DBF4: variants seen among roughly 807,000 people sequenced by gnomAD.
DBF4 encodes the protein DBF4-CDC7 kinase regulatory subunit.
Under a neutral mutation model 76.6 loss-of-function variants are expected in DBF4, and 25 were observed. The ratio of observed to expected loss-of-function variants is 0.33; its 90% CI spans 0.24 to 0.46. The LOEUF is 0.46. Ranked by LOEUF, DBF4 falls within the 20% of genes least tolerant of loss-of-function variation. The probability of loss-of-function intolerance (pLI) is 1.00; values close to 1 mark genes in which losing one functional copy is unlikely to be tolerated. For missense variants in DBF4, 638 were observed against 760.8 expected (o/e 0.84, Z 1.90); for synonymous variants, 213 against 258.0 (o/e 0.83, Z 1.67).
In DBF4 at chr7:87,900,867, G is replaced by T; in HGVS notation, c.913G>T (p.Asp305Tyr). 6.2e-7 allele frequency: 1 copy of T among 1,611,784 alleles called. No homozygotes were observed. The highest frequency in any genetic ancestry group is 8.5e-7 in the Non-Finnish European group (1 of 1,178,712). The change falls in exon 10 of 12, where the codon GAT becomes TAT. Residue 305 changes from aspartate to tyrosine, a missense_variant. Physicochemically the swap from Asp to Tyr is radical, Grantham distance 160 (BLOSUM62 -3). Coordinates refer to ENST00000265728, the MANE Select transcript of DBF4 (RefSeq NM_006716.4). ...TGAATGTTGCTTGCAGAAATATGAA[G>T]ATCTAGAAACTGTAAATGTGATTTT... ...YCECCLQKYE[D>Y]LETHLLSEQH...
At chr7:87,892,944 A>G (rs1438481558) in intron 6 of DBF4, among the ~76,000 whole-genome samples, 2 of 152,184 alleles carry the variant, frequency 1.3e-5, no homozygotes, top group African/African-American at 4.8e-5. Flanking sequence ...TACCCAAAAT[A>G]TAGTCTATCT....
intron 2 of DBF4, among the ~76,000 whole-genome samples, chr7:87,884,557 G>A (rs547016153): frequency 6.6e-6 from 1 of 152,284 alleles, no homozygotes; most frequent in African/African-American, 2.4e-5. Flanking sequence ...AATGTAGATA[G>A]TATCATGAGG....
In DBF4 at chr7:87,907,343, C is replaced by G. The variant is rs369173040; in HGVS notation, c.1205C>G (p.Thr402Ser). The part of the protein sequence containing the change: ...VKEQNFLYKE[T>S]QETEKKLLFI... Reference sequence around the variant, plus strand: ...GAGCAGAATTTCCTGTATAAAGAGACCCAGGAAACTGAAAAAAAGCTCCTG... The same window carrying G: ...GAGCAGAATTTCCTGTATAAAGAGAGCCAGGAAACTGAAAAAAAGCTCCTG... The change falls in exon 12 of 12, where the codon ACC (threonine) becomes AGC (serine). Residue 402 changes from threonine to serine, a missense_variant. Transcript: ENST00000265728. The G allele has an allele frequency of 2.5e-6, 4 of 1,613,754 alleles. No homozygotes were observed. The African/African-American group carries it at 4.0e-5, about 16-fold the overall frequency.
intron 6 of DBF4, among the ~76,000 whole-genome samples, chr7:87,890,016 T>TA (rs1359044492): frequency 6.6e-6 from 1 of 152,200 alleles, no homozygotes; most frequent in Non-Finnish European, 1.5e-5. Flanking sequence ...AGTAAATGTT[T>TA]AAAAAAATGT....
rs748125363 is a variant in DBF4 at position 87,887,449 on chromosome 7, T to G, written c.520+51T>G. 1.6e-5 allele frequency: 24 copies of G among 1,499,860 alleles called. 1 individual carries two copies. In the South Asian group the frequency reaches 3.0e-4, roughly 19 times the overall value. 92.9% of individuals were successfully genotyped at this position (1,499,860 alleles called of 1,614,324 possible). A position where few individuals can be genotyped will look rare whatever the true frequency, so the allele number is the denominator to read the frequency against. On this transcript the variant is annotated intron_variant, in intron 5 of 11. Coordinates refer to ENST00000265728, the MANE Select transcript of DBF4 (RefSeq NM_006716.4). ...ACAGTATTTGTTTTAAGTGTCCATG[T>G]CTGTCCTTTGGTTCCTGACTTTACA... is the stretch of plus-strand genomic sequence containing the variant.
At chr7:87,901,645 A>G (rs1839793144) in intron 10 of DBF4, among the ~76,000 whole-genome samples, 1 of 152,206 alleles carries the variant, frequency 6.6e-6, no homozygotes, top group Admixed American at 6.5e-5. Context: ...TGCAAAGGGT[A>G]TATAGGATGA....
chr7:87,880,853 G>T (rs1346969936), intron 2 of DBF4, among the ~76,000 whole-genome samples: 2 of 152,058 alleles, frequency 1.3e-5, no homozygotes, highest in Non-Finnish European at 2.9e-5. Flanking sequence ...CCACAGTTAG[G>T]TCCATGTCTA....
At chr7:87,895,968 A>C (rs924378669) in intron 6 of DBF4, among the ~76,000 whole-genome samples, 10 of 152,206 alleles carry the variant, frequency 6.6e-5, no homozygotes, top group African/African-American at 2.4e-4. Flanking sequence ...TGCTAACTCC[A>C]TGACTGAAGG....
chr7:87,886,816 G>A (rs1839367287), intron 3 of DBF4, 28 bp from the exon 4 acceptor site: 1 of 1,393,520 alleles, frequency 7.2e-7, no homozygotes, highest in East Asian at 2.3e-5. Flanking sequence ...TAAGCACTAT[G>A]TTTTAAATTT....
intron 6 of DBF4, among the ~76,000 whole-genome samples, chr7:87,895,827 C>T (rs1336125967): frequency 6.6e-6 from 1 of 152,130 alleles, no homozygotes; most frequent in Non-Finnish European, 1.5e-5. Flanking sequence ...TTGGGACCCA[C>T]CCTCAGGGCA....
chr7:87,886,489 C>T (rs997040198), intron 3 of DBF4, among the ~76,000 whole-genome samples: 5 of 129,382 alleles, frequency 3.9e-5, no homozygotes, highest in African/African-American at 1.5e-4. Context: ...GAGCTGAGAT[C>T]ACACCACTGT....
chr7:87,906,863 C>A (rs897101714), intron 11 of DBF4, among the ~76,000 whole-genome samples: 2 of 152,098 alleles, frequency 1.3e-5, no homozygotes, highest in Non-Finnish European at 2.9e-5. Flanking sequence ...AATCCCTTTA[C>A]TATCAATTTC....
rs143390745 is a variant in DBF4, at chr7:87,896,621, G to A, written c.634+111G>A. 1.8e-4 allele frequency: 171 copies of A among 952,640 alleles called. No individual in the cohort carries two copies. In the East Asian group the frequency reaches 3.4e-3, roughly 19 times the overall value. 59.0% of individuals were successfully genotyped at this position (952,640 alleles called of 1,614,324 possible). A position where few individuals can be genotyped will look rare whatever the true frequency, so the allele number is the denominator to read the frequency against. On this transcript the variant is annotated intron_variant, in intron 7 of 11. Transcript: ENST00000265728. ...AAATGATTTATTCAAGGCTTTCTTCGTCTTTATAGAACATAGATCCTTGGT... is the reference window on the plus strand; with the variant it reads ...AAATGATTTATTCAAGGCTTTCTTCATCTTTATAGAACATAGATCCTTGGT...
chr7:87,886,812 C>G (rs1214218462), intron 3 of DBF4, 32 bp from the exon 4 acceptor site: 1 of 1,322,502 alleles, frequency 7.6e-7, no homozygotes. Context: ...CAGTTAAGCA[C>G]TATGTTTTAA....
intron 4 of DBF4, 68 bp from the exon 5 acceptor site, chr7:87,887,261 A>T: frequency 7.4e-6 from 9 of 1,209,958 alleles, no homozygotes; most frequent in Non-Finnish European, 1.0e-5. Context: ...AAATAATTGA[A>T]TTTTTATTAA....
chr7:87,899,030 C>T (rs1839705154), intron 8 of DBF4, among the ~76,000 whole-genome samples: 1 of 151,978 alleles, frequency 6.6e-6, no homozygotes, highest in South Asian at 2.1e-4. Flanking sequence ...GTTGAGAAAA[C>T]TAGATATACA....
chr7:87,906,093 G>C (rs1318837471), intron 11 of DBF4, among the ~76,000 whole-genome samples: 3 of 151,948 alleles, frequency 2.0e-5, no homozygotes, highest in Non-Finnish European at 4.4e-5. Context: ...GAGAAGCAGA[G>C]GTTGCAGTGA....
At chr7:87,890,533 A>AAAAT (rs1839459377) in intron 6 of DBF4, among the ~76,000 whole-genome samples, 1 of 152,190 alleles carries the variant, frequency 6.6e-6, no homozygotes, top group Non-Finnish European at 1.5e-5. Context: ...ACTCCATCTC[A>AAAAT]AAATAAATAA....
rs1157679722 is a variant in DBF4 at position 87,909,374 on chromosome 7, T to C, written c.*1211T>C. On this transcript the variant is annotated 3_prime_UTR_variant, in exon 12 of 12. Transcript: ENST00000265728. ...TTGTCACTAAAAATTAGGTTACTAA[T>C]CTTAATTTTTTTGAAATATATGATT... The C allele has an allele frequency of 6.6e-6, 1 of 152,222 alleles. No homozygotes were observed. Among genetic ancestry groups the C allele is most frequent in the African/African-American group, 2.4e-5 (1 of 41,460 alleles). 9.4% of individuals were successfully genotyped at this position (152,222 alleles called of 1,614,324 possible).
Sources: allele counts gnomAD v4.1 joint callset (sites outside exome capture counted in the v4.1 genomes callset), GRCh38; gene constraint gnomAD v4.1.1; transcripts MANE v1.5; gene names NCBI Gene and HGNC (gene_info 2026-07-23, HGNC 2026-07-21).